The following GOLPH3 variants were observed in gnomAD, a reference collection of about 807,000 sequenced individuals.
The protein encoded by GOLPH3 is coat protein GPP34.
GOLPH3 carries 14 observed loss-of-function variants against 28.5 expected under a neutral mutation model. The ratio of observed to expected loss-of-function variants is 0.49; its 90% CI spans 0.32 to 0.77. The LOEUF (loss-of-function observed/expected upper bound fraction) is 0.77. GOLPH3 is among the 30% of genes least tolerant of loss of function. The pLI, the probability that GOLPH3 is intolerant of heterozygous loss-of-function variation, is 0.03. For missense variants in GOLPH3, 350 were observed against 393.7 expected, an observed-to-expected ratio of 0.89 and a Z score of 0.94; for synonymous variants, 158 against 159.2, an observed-to-expected ratio of 0.99 and a Z score of 0.06.
At chr5:32,138,907 G>C (rs1359748511) in intron 2 of GOLPH3, among the ~76,000 whole-genome samples, 1 of 152,212 alleles carries the variant, frequency 6.6e-6, no homozygotes, top group Non-Finnish European at 1.5e-5. Context: ...AGAAAGCAGA[G>C]CCTCAGGAGA....
At chr5:32,133,947 A>C (rs554867480) in intron 3 of GOLPH3, among the ~76,000 whole-genome samples, 81 of 152,368 alleles carry the variant, frequency 5.3e-4, no homozygotes, top group Non-Finnish European at 8.4e-4. Context: ...TCCAACAAAA[A>C]TGCAAATTTA....
chr5:32,133,620 T>C lies in GOLPH3; in HGVS notation c.472+1952A>G, dbSNP rs1012638496. The stretch of plus-strand genomic sequence containing the variant: ...TTTAAAACATTATGTTTACTAATAT[T>C]TAACATATAGAGTTGACATTAATGC... On this transcript the variant is annotated intron_variant, in intron 3 of 3. Transcript: ENST00000265070. Among the ~76,000 whole-genome samples the C allele has an allele frequency of 2.0e-5, 3 of 152,370 alleles. No individual in the cohort carries two copies. The South Asian group carries it at 6.2e-4, about 32-fold the overall frequency.
intron 2 of GOLPH3, among the ~76,000 whole-genome samples, chr5:32,143,031 T>C (rs1208468099): frequency 1.3e-5 from 2 of 152,018 alleles, no homozygotes; most frequent in African/African-American, 2.4e-5. Context: ...GGGGAAAAGA[T>C]TGAGAAATCG....
intron 1 of GOLPH3, among the ~76,000 whole-genome samples, chr5:32,153,811 C>T (rs1393668447): frequency 6.6e-6 from 1 of 152,040 alleles, no homozygotes; most frequent in Admixed American, 6.6e-5. Flanking sequence ...TCTCTGTATA[C>T]GAAAGAGTCC....
chr5:32,157,638 A>C (rs1374391561), intron 1 of GOLPH3, among the ~76,000 whole-genome samples: 1 of 152,170 alleles, frequency 6.6e-6, no homozygotes, highest in Non-Finnish European at 1.5e-5. Context: ...AAAATATTGA[A>C]ATCTCAGTAT....
At chr5:32,138,011 C>T (rs1349164130) in intron 2 of GOLPH3, among the ~76,000 whole-genome samples, 1 of 150,462 alleles carries the variant, frequency 6.6e-6, no homozygotes, top group Non-Finnish European at 1.5e-5. Context: ...TCAAGCAATT[C>T]TCCTGCCTCA....
chr5:32,151,237 T>G (rs1237074853), intron 1 of GOLPH3, among the ~76,000 whole-genome samples: 2 of 148,284 alleles, frequency 1.3e-5, no homozygotes, highest in African/African-American at 5.0e-5. Flanking sequence ...TTTTTTTTAA[T>G]ATTTTGAGGC....
intron 2 of GOLPH3, among the ~76,000 whole-genome samples, chr5:32,141,435 C>G (rs892628464): frequency 6.6e-6 from 1 of 152,330 alleles, no homozygotes; most frequent in African/African-American, 2.4e-5. Context: ...AGCACCTACA[C>G]AGACCTTCAA....
chr5:32,162,439 CAG>C (rs1228314170), intron 1 of GOLPH3, among the ~76,000 whole-genome samples: 1 of 150,306 alleles, frequency 6.7e-6, no homozygotes, highest in East Asian at 2.0e-4. Context: ...TTGCGGTGAG[CAG>C]AGATTGGGCC....
At chr5:32,157,622 T>C (rs777137378) in intron 1 of GOLPH3, among the ~76,000 whole-genome samples, 8 of 152,192 alleles carry the variant, frequency 5.3e-5, no homozygotes, top group Non-Finnish European at 7.4e-5. Flanking sequence ...GAACTGCTGA[T>C]GTAAAAAAAT....
At chr5:32,129,614 C>T (rs1745779260) in intron 3 of GOLPH3, among the ~76,000 whole-genome samples, 1 of 152,040 alleles carries the variant, frequency 6.6e-6, no homozygotes, top group African/African-American at 2.4e-5. Flanking sequence ...GAACAAAGTG[C>T]CTAGAGGAGT....
Position 32,143,876 on chromosome 5 carries a change from T to G in GOLPH3, c.230A>C (p.Tyr77Ser). 1 of 1,529,672 alleles carries G rather than the reference T, an allele frequency of 6.5e-7. No homozygotes were observed. The highest frequency in any genetic ancestry group is 8.7e-7 in the Non-Finnish European group (1 of 1,143,946). 94.8% of individuals were successfully genotyped at this position (1,529,672 alleles called of 1,614,324 possible). The change falls in exon 2 of 4, where the codon TAC becomes TCC. Residue 77 changes from tyrosine (Y) to serine (S), a missense_variant. Tyr to Ser is a moderately radical substitution (Grantham distance 144). Transcript: ENST00000265070. Reference protein sequence around the residue: ...LLLGLKDREGYTSFWNDCISS... With the variant: ...LLLGLKDREGSTSFWNDCISS... The stretch of plus-strand genomic sequence containing the variant: ...TATACAGTCATTCCAAAATGATGTG[T>G]AACCCTATTAAAAAAAGAAGAAGAA...
At chr5:32,155,956 C>CAAAAAAAAAAAAAAAAAAAAAAAAAAA (rs70961608) in intron 1 of GOLPH3, among the ~76,000 whole-genome samples, 1 of 47,770 alleles carries the variant, frequency 2.1e-5, no homozygotes, top group Non-Finnish European at 4.3e-5. Context: ...AACACTGTCT[C>CAAAAAAAAAAAAAAAAAAAAAAAAAAA]AAAAAAAAAA....
intron 1 of GOLPH3, among the ~76,000 whole-genome samples, chr5:32,170,290 G>A (rs1488061172): frequency 6.6e-6 from 1 of 152,160 alleles, no homozygotes; most frequent in Non-Finnish European, 1.5e-5. Context: ...TGAGGAATGG[G>A]TAGTGACTGG....
At chr5:32,169,826 TAC>T (rs1746792747) in intron 1 of GOLPH3, among the ~76,000 whole-genome samples, 1 of 152,140 alleles carries the variant, frequency 6.6e-6, no homozygotes, top group South Asian at 2.1e-4. Context: ...TTTAAAGAGT[TAC>T]TTAAATACTT....
At chr5:32,139,891 C>T (rs997780869) in intron 2 of GOLPH3, among the ~76,000 whole-genome samples, 4 of 152,014 alleles carry the variant, frequency 2.6e-5, no homozygotes, top group East Asian at 3.8e-4. Context: ...AAACAAACTA[C>T]GATTTTTAAA....
At chr5:32,153,725 AC>A (rs1746359335) in intron 1 of GOLPH3, among the ~76,000 whole-genome samples, 1 of 152,240 alleles carries the variant, frequency 6.6e-6, no homozygotes, top group Non-Finnish European at 1.5e-5. Flanking sequence ...TTAAACTTGA[AC>A]CAAAAACCAC....
chr5:32,148,081 A>C (rs1746217155), intron 1 of GOLPH3, among the ~76,000 whole-genome samples: 2 of 152,222 alleles, frequency 1.3e-5, no homozygotes, highest in Admixed American at 1.3e-4. Flanking sequence ...CTGAATAAAG[A>C]GACCCAGGTG....
intron 2 of GOLPH3, among the ~76,000 whole-genome samples, chr5:32,135,983 C>T (rs1026989884): frequency 6.6e-6 from 1 of 152,004 alleles, no homozygotes; most frequent in Admixed American, 6.6e-5. Flanking sequence ...GATACCAGCC[C>T]GGCCCACATG....
Sources: gnomAD v4.1 joint callset for allele counts (sites outside exome capture counted in the v4.1 genomes callset) on GRCh38, gnomAD v4.1.1 for gene constraint, MANE v1.5 for transcripts, NCBI Gene and HGNC (gene_info 2026-07-23, HGNC 2026-07-21) for gene names.